MEI4: variants seen among roughly 807,000 people sequenced by gnomAD.
The protein encoded by MEI4 is meiosis-specific protein MEI4.
Under a neutral mutation model 31.4 loss-of-function variants are expected in MEI4, and 27 were observed. The ratio of observed to expected loss-of-function variants is 0.86; its 90% CI spans 0.63 to 1.19. The LOEUF is 1.19. Among genes scored for constraint, MEI4 ranks in the 50% most tolerant of loss-of-function variants. MEI4 has a pLI of 0.00. For synonymous variants in MEI4, 122 were observed against 145.4 expected (o/e 0.84, Z 1.16); for missense variants, 329 against 398.9 (o/e 0.82, Z 1.49).
At chr6:77,696,003 G>C (rs1211179336) in intron 2 of MEI4, among the ~76,000 whole-genome samples, 2 of 152,004 alleles carry the variant, frequency 1.3e-5, no homozygotes, top group African/African-American at 4.8e-5. Flanking sequence ...TGGATTCCTA[G>C]GTATTTTATT....
At chr6:77,904,208 A>C (rs773843328) in intron 4 of MEI4, among the ~76,000 whole-genome samples, 4 of 152,072 alleles carry the variant, frequency 2.6e-5, no homozygotes, top group Non-Finnish European at 4.4e-5. Flanking sequence ...GTGTATCTAC[A>C]AAGCTTTTTG....
intron 2 of MEI4, among the ~76,000 whole-genome samples, chr6:77,733,038 A>G (rs1373238694): frequency 6.6e-6 from 1 of 151,904 alleles, no homozygotes; most frequent in Non-Finnish European, 1.5e-5. Flanking sequence ...CCAGTATTTT[A>G]TTGAGGATTT....
At chr6:77,771,380 T>G (rs1356662029) in intron 3 of MEI4, among the ~76,000 whole-genome samples, 1 of 150,680 alleles carries the variant, frequency 6.6e-6, no homozygotes, top group Non-Finnish European at 1.5e-5. Flanking sequence ...AGTATTGTGG[T>G]GATTTTCTAA....
At chr6:77,813,585 T>A (rs1769624496) in intron 3 of MEI4, among the ~76,000 whole-genome samples, 1 of 151,804 alleles carries the variant, frequency 6.6e-6, no homozygotes, top group Non-Finnish European at 1.5e-5. Context: ...GGGGACTTGA[T>A]CCTGATTCTT....
chr6:77,653,377 A>G (rs1768333028), intron 1 of MEI4, among the ~76,000 whole-genome samples: 1 of 152,180 alleles, frequency 6.6e-6, no homozygotes, highest in Non-Finnish European at 1.5e-5. Flanking sequence ...AGGGCCTGTC[A>G]CTTCTCATTA....
chr6:77,835,179 A>G (rs1770184185), intron 4 of MEI4, among the ~76,000 whole-genome samples: 1 of 150,266 alleles, frequency 6.7e-6, no homozygotes, highest in African/African-American at 2.4e-5. Flanking sequence ...AATGGGCTTA[A>G]GGATATGAAA....
At chr6:77,788,984 C>T (rs1019688138) in intron 3 of MEI4, among the ~76,000 whole-genome samples, 4 of 152,154 alleles carry the variant, frequency 2.6e-5, no homozygotes, top group Admixed American at 6.5e-5. Context: ...GGAGGCATCA[C>T]ACTACCTGAC....
chr6:77,750,031 C>T (rs1026935893), intron 2 of MEI4, among the ~76,000 whole-genome samples: 6 of 152,016 alleles, frequency 3.9e-5, no homozygotes, highest in Admixed American at 6.6e-5. Context: ...GCTTCATAAG[C>T]GAAGGAGAAA....
intron 2 of MEI4, among the ~76,000 whole-genome samples, chr6:77,709,101 G>A (rs1582046327): frequency 1.3e-5 from 2 of 152,128 alleles, no homozygotes; most frequent in South Asian, 2.1e-4. Context: ...AATATTTCTT[G>A]TTTTTGGTTT....
intron 4 of MEI4, among the ~76,000 whole-genome samples, chr6:77,845,237 G>T (rs1465241693): frequency 1.3e-5 from 2 of 152,142 alleles, no homozygotes; most frequent in African/African-American, 4.8e-5. Flanking sequence ...CTCCTAATGG[G>T]TTACCTTCAG....
intron 1 of MEI4, among the ~76,000 whole-genome samples, chr6:77,684,442 A>G (rs1448259175): frequency 2.0e-5 from 3 of 148,432 alleles, no homozygotes; most frequent in African/African-American, 7.3e-5. Context: ...GGTCTTATTC[A>G]TTCTGTCTAC....
chr6:77,812,976 T>G (rs530302549), intron 3 of MEI4, among the ~76,000 whole-genome samples: 65 of 152,110 alleles, frequency 4.3e-4, no homozygotes, highest in South Asian at 3.9e-3. Context: ...GGGACATGGT[T>G]GGGATTGGAA....
chr6:77,666,668 C>T (rs1486301445), intron 1 of MEI4, among the ~76,000 whole-genome samples: 1 of 152,150 alleles, frequency 6.6e-6, no homozygotes, highest in East Asian at 1.9e-4. Context: ...CAGTCAAGTT[C>T]TCCTGCTCTT....
At position 77,923,125 on chromosome 6, in the gene MEI4, A is replaced by G. The variant is rs1766749311; in HGVS notation, c.937A>G (p.Ile313Val). The G allele has an allele frequency of 1.6e-6, 2 of 1,230,366 alleles. No individual in the cohort carries two copies. The highest frequency in any genetic ancestry group is 4.1e-5 in the South Asian group (1 of 24,308). The allele number at this position is 1,230,366 out of a possible 1,614,324, so 76.2% of individuals were successfully genotyped here. Residue 313 changes from isoleucine to valine, a missense_variant, in exon 5 of 5, where the codon ATT (isoleucine) becomes GTT (valine). Ile to Val is a conservative substitution (Grantham distance 29). Coordinates refer to ENST00000684080, the MANE Select transcript of MEI4 (RefSeq NM_001322247.2). ...ASYDVSRYEN[I>V]FYLFWVLEQL... ...TTATGATGTGTCACGCTATGAAAACATTTTCTACCTGTTCTGGGTTCTGGA... is the reference window on the plus strand; with the variant it reads ...TTATGATGTGTCACGCTATGAAAACGTTTTCTACCTGTTCTGGGTTCTGGA...
chr6:77,924,671 G>GACTT lies in MEI4; in HGVS notation c.*1326_*1329dup, dbSNP rs1410351964. On this transcript the variant is annotated 3_prime_UTR_variant, in exon 5 of 5. Coordinates refer to ENST00000684080, the MANE Select transcript of MEI4 (RefSeq NM_001322247.2). ...CCACATGTGCATATTCTGAGAACCAGACTTGGGGGATAGTAGCTTCTCAGT... is the reference window on the plus strand; with the variant it reads ...CCACATGTGCATATTCTGAGAACCAGACTTACTTGGGGGATAGTAGCTTCTCAGT... 1 of 151,802 alleles carries GACTT rather than the reference G, an allele frequency of 6.6e-6. No homozygotes were observed. The highest frequency in any genetic ancestry group is 1.9e-4 in the East Asian group (1 of 5,144). The allele number at this position is 151,802 out of a possible 1,614,324, so 9.4% of individuals were successfully genotyped here. A position where few individuals can be genotyped will look rare whatever the true frequency, so the allele number is the denominator to read the frequency against.
chr6:77,802,313 C>T (rs1253427659), intron 3 of MEI4, among the ~76,000 whole-genome samples: 3 of 151,984 alleles, frequency 2.0e-5, no homozygotes, highest in Non-Finnish European at 4.4e-5. Context: ...GTTTGTTTTC[C>T]ATTTGCTTGG....
chr6:77,819,960 C>T (rs559305970), intron 3 of MEI4, among the ~76,000 whole-genome samples: 1 of 151,886 alleles, frequency 6.6e-6, no homozygotes, highest in South Asian at 2.1e-4. Context: ...CGTGTACCTG[C>T]TTTTTTTTCT....
At chr6:77,689,735 T>C (rs190147700) in intron 1 of MEI4, among the ~76,000 whole-genome samples, 5 of 152,166 alleles carry the variant, frequency 3.3e-5, no homozygotes, top group African/African-American at 9.6e-5. Flanking sequence ...AAATAAAGTT[T>C]GAAATGTAAG....
chr6:77,840,770 C>G (rs754848160), intron 4 of MEI4, among the ~76,000 whole-genome samples: 34 of 152,006 alleles, frequency 2.2e-4, no homozygotes, highest in Non-Finnish European at 4.4e-4. Flanking sequence ...TTTATAGATG[C>G]CAGAGAAAAA....
Sources: gnomAD v4.1 joint callset for allele counts (sites outside exome capture counted in the v4.1 genomes callset) on GRCh38, gnomAD v4.1.1 for gene constraint, MANE v1.5 for transcripts, NCBI Gene and HGNC (gene_info 2026-07-23, HGNC 2026-07-21) for gene names.